The following FAM227B variants were observed in gnomAD, a reference collection of about 807,000 sequenced individuals.
FAM227B encodes family with sequence similarity 227 member B.
FAM227B carries 88 observed loss-of-function variants against 73.8 expected under a neutral mutation model. The observed-to-expected ratio is 1.19, with a 90% CI of 1.00 to 1.42. The LOEUF (loss-of-function observed/expected upper bound fraction) is 1.42, where lower values mean the gene tolerates loss of function less well. FAM227B is among the 40% of genes most tolerant of loss of function. FAM227B has a pLI of 0.00. For synonymous variants in FAM227B, 210 were observed against 190.5 expected, an observed-to-expected ratio of 1.10 and a Z score of -0.84; for missense variants, 632 against 590.9, an observed-to-expected ratio of 1.07 and a Z score of -0.72.
At chr15:49,455,569 G>A (rs1024790845) in intron 11 of FAM227B, among the ~76,000 whole-genome samples, 5 of 152,046 alleles carry the variant, frequency 3.3e-5, no homozygotes, top group East Asian at 1.9e-4. Flanking sequence ...TAGGTCCATC[G>A]TCAGTTATAA....
At chr15:49,479,840 C>T (rs12441004) in intron 11 of FAM227B, among the ~76,000 whole-genome samples, 40,755 of 151,916 alleles carry the variant, frequency 0.27, 5,730 homozygotes, top group East Asian at 0.38. Context: ...TCTTGAACTC[C>T]TGACCTCAGG....
chr15:49,331,577 G>A (rs895218535), intron 15 of FAM227B: 2 of 494,240 alleles, frequency 4.0e-6, no homozygotes, highest in East Asian at 3.2e-5. Context: ...AGCTGGAAAT[G>A]GGGAATGTGA....
chr15:49,396,657 G>A (rs1364060215), intron 11 of FAM227B, among the ~76,000 whole-genome samples: 5 of 151,972 alleles, frequency 3.3e-5, no homozygotes, highest in South Asian at 2.1e-4. Context: ...TCTGAGAACG[G>A]GCAGACTGCC....
In FAM227B at chr15:49,347,912, G is replaced by A. The variant is rs144842844; in HGVS notation, c.1272-12416C>T. On this transcript the variant is annotated intron_variant, in intron 13 of 15. Coordinates refer to ENST00000299338, the MANE Select transcript of FAM227B (RefSeq NM_152647.3). ...CAGATGCCTGTAGTCCCAGCTACTC[G>A]GGAGGCTGAGGCAGGAGAATTGTTT... 6.0e-3 allele frequency among the ~76,000 whole-genome samples: 915 copies of A among 151,752 alleles called. 10 individuals are homozygous for A. The highest frequency in any genetic ancestry group is 0.021 in the African/African-American group (885 of 41,342).
At chr15:49,415,491 A>T (rs1037165489) in intron 11 of FAM227B, among the ~76,000 whole-genome samples, 4 of 152,164 alleles carry the variant, frequency 2.6e-5, no homozygotes, top group African/African-American at 9.7e-5. Context: ...ATTACATAAT[A>T]TGCTTTCATT....
chr15:49,620,261 A>G (rs1368556393), intron 1 of FAM227B: 1 of 152,210 alleles, frequency 6.6e-6, no homozygotes, highest in Non-Finnish European at 1.5e-5. Context: ...TGAATTTAAC[A>G]TGCTTTACTT....
At chr15:49,575,956 G>GT (rs2075412997) in intron 7 of FAM227B, among the ~76,000 whole-genome samples, 1 of 152,142 alleles carries the variant, frequency 6.6e-6, no homozygotes, top group Non-Finnish European at 1.5e-5. Flanking sequence ...GCCAGATTGA[G>GT]TAACATTCAA....
intron 3 of FAM227B, among the ~76,000 whole-genome samples, chr15:49,607,991 C>T (rs1366187077): frequency 6.6e-6 from 1 of 152,030 alleles, no homozygotes; most frequent in Non-Finnish European, 1.5e-5. Context: ...CCTAAAAAGG[C>T]AAATCGAGTC....
At chr15:49,373,341 A>G (rs1238647441) in intron 11 of FAM227B, among the ~76,000 whole-genome samples, 1 of 152,114 alleles carries the variant, frequency 6.6e-6, no homozygotes, top group African/African-American at 2.4e-5. Context: ...AAAAATTGCA[A>G]AGAAACTCAT....
chr15:49,543,590 C>T (rs2071388106), intron 9 of FAM227B, among the ~76,000 whole-genome samples: 1 of 152,110 alleles, frequency 6.6e-6, no homozygotes, highest in African/African-American at 2.4e-5. Context: ...AAAGCAATGT[C>T]TAGAAGAGTT....
At position 49,533,311 on chromosome 15, in the gene FAM227B, A is replaced by G. The variant is rs1597962858; in HGVS notation, c.874+8369T>C. On this transcript the variant is annotated intron_variant, in intron 10 of 15. Transcript: ENST00000299338. Reference sequence around the variant, plus strand: ...GCCCAACATATGATCTATCCTGGAAAATGTTTTGTGTGCATGTGAGAAAAA... The same window carrying G: ...GCCCAACATATGATCTATCCTGGAAGATGTTTTGTGTGCATGTGAGAAAAA... Among the ~76,000 whole-genome samples the G allele has an allele frequency of 1.3e-5, 2 of 152,024 alleles. 1 individual carries two copies. The highest frequency in any genetic ancestry group is 3.9e-4 in the East Asian group (2 of 5,178).
chr15:49,433,322 C>T (rs928919776), intron 11 of FAM227B, among the ~76,000 whole-genome samples: 3 of 151,370 alleles, frequency 2.0e-5, no homozygotes, highest in Admixed American at 1.3e-4. Context: ...AAATAAGTAC[C>T]ATATCTTACT....
chr15:49,581,787 G>A (rs2075828395), intron 5 of FAM227B, among the ~76,000 whole-genome samples: 2 of 152,076 alleles, frequency 1.3e-5, no homozygotes, highest in East Asian at 1.9e-4. Context: ...TGCTAAATAC[G>A]GAAATCAAAG....
rs529586592 is a variant in FAM227B at position 49,498,577 on chromosome 15, G to C, written c.1012+9634C>G. On this transcript the variant is annotated intron_variant, in intron 11 of 15. Transcript: ENST00000299338. ...TCTCATCCAGAAACAAAAATATCTTGTCACGTTTTAGCGTCAGATATAAAA... is the reference window on the plus strand; with the variant it reads ...TCTCATCCAGAAACAAAAATATCTTCTCACGTTTTAGCGTCAGATATAAAA... Among the ~76,000 whole-genome samples, 21 of 152,280 alleles carry C rather than the reference G, an allele frequency of 1.4e-4. No homozygotes were observed. The South Asian group carries it at 2.5e-3, about 18-fold the overall frequency.
At chr15:49,611,072 CAT>C in intron 3 of FAM227B, 141 bp downstream of exon 3, 1 of 527,804 alleles carries the variant, frequency 1.9e-6, no homozygotes, top group Non-Finnish European at 3.4e-6. Flanking sequence ...ACTCAAAGGA[CAT>C]AAGTATTTAT....
intron 9 of FAM227B, 79 bp downstream of exon 9, chr15:49,568,166 G>T: frequency 1.6e-6 from 2 of 1,212,818 alleles, no homozygotes; most frequent in East Asian, 5.1e-5. Context: ...ATTCTCATAT[G>T]GGTTTAAATA....
intron 12 of FAM227B, chr15:49,367,878 A>G (rs2045462451): frequency 5.0e-6 from 1 of 199,062 alleles, no homozygotes; most frequent in African/African-American, 2.3e-5. Context: ...AAAAAAAAAA[A>G]AAAAATGAAG....
At chr15:49,564,525 A>G (rs192834518) in intron 9 of FAM227B, among the ~76,000 whole-genome samples, 6 of 152,364 alleles carry the variant, frequency 3.9e-5, no homozygotes, top group African/African-American at 1.4e-4. Context: ...TCTATCAAAA[A>G]GACACATGTA....
intron 9 of FAM227B, among the ~76,000 whole-genome samples, chr15:49,545,944 AT>A (rs149465916): frequency 0.21 from 26,803 of 125,024 alleles, 2,943 homozygotes; most frequent in Non-Finnish European, 0.26. Context: ...AGGAGTAGCT[AT>A]TTTTTTTTTT....
Sources: gnomAD v4.1 joint callset for allele counts (sites outside exome capture counted in the v4.1 genomes callset) on GRCh38, gnomAD v4.1.1 for gene constraint, MANE v1.5 for transcripts, NCBI Gene and HGNC (gene_info 2026-07-23, HGNC 2026-07-21) for gene names.